Variants in UVRAG observed in about 807,000 individuals in gnomAD.
The protein encoded by UVRAG is UV radiation resistance associated, also known as UV radiation resistance-associated gene protein.
UVRAG carries 19 observed loss-of-function variants against 78.0 expected under a neutral mutation model. That is an observed-to-expected ratio of 0.24 (90% CI 0.17 to 0.36). The LOEUF (loss-of-function observed/expected upper bound fraction) is 0.36. Among genes scored for constraint, UVRAG ranks in the 10% least tolerant of loss-of-function variants. UVRAG has a pLI of 1.00. For missense variants in UVRAG, 740 were observed against 853.8 expected (o/e 0.87, Z 1.66); for synonymous variants, 323 against 324.6 (o/e 1.00, Z 0.05).
intron 14 of UVRAG, among the ~76,000 whole-genome samples, chr11:76,138,367 C>G (rs1021061219): frequency 6.6e-6 from 1 of 152,204 alleles, no homozygotes. Flanking sequence ...GTGGGCAGCT[C>G]ATCTTCCACG....
At chr11:76,107,530 C>T (rs528082582) in intron 13 of UVRAG, among the ~76,000 whole-genome samples, 1 of 152,274 alleles carries the variant, frequency 6.6e-6, no homozygotes, top group Admixed American at 6.5e-5. Context: ...GAGCTGTGTC[C>T]AGTGTTTACA....
chr11:76,050,599 AAT>A (rs1339552201), intron 12 of UVRAG, among the ~76,000 whole-genome samples: 1 of 152,226 alleles, frequency 6.6e-6, no homozygotes, highest in African/African-American at 2.4e-5. Context: ...AAATGAATAA[AAT>A]ATGCTGTCTC....
chr11:75,983,132 G>T (rs1649170338), intron 7 of UVRAG, among the ~76,000 whole-genome samples: 1 of 152,026 alleles, frequency 6.6e-6, no homozygotes, highest in African/African-American at 2.4e-5. Context: ...ATCAGGGAAG[G>T]TACCTGAGAT....
chr11:76,093,841 A>G (rs1308897287), intron 13 of UVRAG, among the ~76,000 whole-genome samples: 1 of 152,106 alleles, frequency 6.6e-6, no homozygotes. Flanking sequence ...CTAATTGAAT[A>G]CCCTTTATTT....
chr11:75,931,579 C>T (rs1478072581), intron 6 of UVRAG, among the ~76,000 whole-genome samples: 1 of 152,184 alleles, frequency 6.6e-6, no homozygotes, highest in Admixed American at 6.5e-5. Flanking sequence ...AGTAAAAGTT[C>T]TCGTTCAACC....
intron 7 of UVRAG, among the ~76,000 whole-genome samples, chr11:75,977,672 T>A (rs924025462): frequency 3.3e-5 from 5 of 152,214 alleles, no homozygotes; most frequent in Non-Finnish European, 5.9e-5. Context: ...AAGTCTGTTT[T>A]ATCAGAGACT....
chr11:75,878,664 G>C (rs1946865225), intron 3 of UVRAG, among the ~76,000 whole-genome samples: 1 of 152,240 alleles, frequency 6.6e-6, no homozygotes, highest in South Asian at 2.1e-4. Context: ...CTGGAGACCA[G>C]CCCGGCTAAC....
At chr11:76,054,417 T>C (rs553289294) in intron 12 of UVRAG, among the ~76,000 whole-genome samples, 2 of 152,324 alleles carry the variant, frequency 1.3e-5, no homozygotes, top group Non-Finnish European at 2.9e-5. Context: ...CAGTTTATCC[T>C]CACAGAGCAG....
At chr11:75,981,150 C>T (rs1474498968) in intron 7 of UVRAG, among the ~76,000 whole-genome samples, 3 of 150,978 alleles carry the variant, frequency 2.0e-5, no homozygotes, top group Non-Finnish European at 3.0e-5. Flanking sequence ...CTTGCCCTGT[C>T]GCCCAGACTG....
rs747625447 is a variant in UVRAG at position 75,903,054 on chromosome 11, G to A, written c.508-8900G>A. On this transcript the variant is annotated intron_variant, in intron 5 of 14. Transcript: ENST00000356136. ...GTATAGTACTTTGGGTTCTGTCTCC[G>A]CTTTTTATCTCTCTTCTTCCTTCTC... Among the ~76,000 whole-genome samples, 43 of 151,878 alleles carry A rather than the reference G, an allele frequency of 2.8e-4. 1 individual carries two copies. Among genetic ancestry groups the A allele is most frequent in the Admixed American group, 2.5e-3 (38 of 15,250 alleles).
At position 75,947,159 on chromosome 11, in the gene UVRAG, G is replaced by A. The variant is rs183680930; in HGVS notation, c.594-14285G>A. Among the ~76,000 whole-genome samples, 14 of 152,250 alleles carry A rather than the reference G, an allele frequency of 9.2e-5. No individual in the cohort carries two copies. In the East Asian group the frequency reaches 2.7e-3, roughly 29 times the overall value. On this transcript the variant is annotated intron_variant, in intron 6 of 14. Coordinates refer to ENST00000356136, the MANE Select transcript of UVRAG (RefSeq NM_003369.4). ...CCAAATATAGTCACATTAAGGGTTA[G>A]GATACTTCAACATGAATTTGGGGCG...
intron 1 of UVRAG, among the ~76,000 whole-genome samples, chr11:75,843,792 A>C (rs111415552): frequency 0.039 from 5,952 of 152,030 alleles, 340 homozygotes; most frequent in African/African-American, 0.13. Flanking sequence ...AACCCCGTCT[A>C]TACAAAAGAT....
chr11:75,870,113 A>C (rs1284129369), intron 3 of UVRAG, among the ~76,000 whole-genome samples: 4 of 152,236 alleles, frequency 2.6e-5, no homozygotes, highest in Non-Finnish European at 5.9e-5. Context: ...TAGTAAAAAT[A>C]GTAGGCTATA....
intron 13 of UVRAG, among the ~76,000 whole-genome samples, chr11:76,088,534 A>G (rs960120057): frequency 3.9e-5 from 5 of 129,664 alleles, no homozygotes; most frequent in African/African-American, 1.5e-4. Flanking sequence ...TTTGCATGGC[A>G]AAGTCTTCAC....
At chr11:76,093,257 G>T (rs976460550) in intron 13 of UVRAG, among the ~76,000 whole-genome samples, 1 of 152,198 alleles carries the variant, frequency 6.6e-6, no homozygotes, top group African/African-American at 2.4e-5. Flanking sequence ...TTTGGTTACT[G>T]TAGCCTTGTA....
At chr11:75,930,862 T>C (rs1386628173) in intron 6 of UVRAG, 1 of 152,214 alleles carries the variant, frequency 6.6e-6, no homozygotes, top group Non-Finnish European at 1.5e-5. Context: ...GAGTTTTCAC[T>C]ACCCACAAGA....
chr11:75,961,074 G>A (rs1948900304), intron 6 of UVRAG, among the ~76,000 whole-genome samples: 1 of 151,800 alleles, frequency 6.6e-6, no homozygotes, highest in South Asian at 2.1e-4. Context: ...TCACCTTTGA[G>A]AGTGGTGATA....
At chr11:75,850,441 T>C (rs1415739601) in intron 1 of UVRAG, among the ~76,000 whole-genome samples, 1 of 152,062 alleles carries the variant, frequency 6.6e-6, no homozygotes, top group African/African-American at 2.4e-5. Flanking sequence ...CTTTAAGCAG[T>C]CATGTGTGAC....
chr11:75,920,737 A>G (rs115126795), intron 6 of UVRAG, among the ~76,000 whole-genome samples: 2,343 of 152,294 alleles, frequency 0.015, 75 homozygotes, highest in African/African-American at 0.053. Context: ...TATGATTTAT[A>G]GATACATTTA....
Sources: allele counts gnomAD v4.1 joint callset (sites outside exome capture counted in the v4.1 genomes callset), GRCh38; gene constraint gnomAD v4.1.1; transcripts MANE v1.5; gene names NCBI Gene and HGNC (gene_info 2026-07-23, HGNC 2026-07-21).